The following DCX variants were observed in gnomAD, a reference collection of about 807,000 sequenced individuals.
DCX encodes neuronal migration protein doublecortin.
Under a neutral mutation model 20.9 loss-of-function variants are expected in DCX, and 4 were observed. The ratio of observed to expected loss-of-function variants is 0.19; its 90% CI spans 0.09 to 0.44. DCX has a LOEUF of 0.44. Among genes scored for constraint, DCX ranks in the 20% least tolerant of loss-of-function variants. The pLI is 0.99. For synonymous variants in DCX, 103 were observed against 111.4 expected, an observed-to-expected ratio of 0.92 and a Z score of 0.47; for missense variants, 133 against 296.9, an observed-to-expected ratio of 0.45 and a Z score of 4.06.
At position 111,401,040 on chromosome X, in the gene DCX, T is replaced by G. The variant is rs1328560782; in HGVS notation, c.655A>C (p.Lys219Gln). 8.3e-7 allele frequency: 1 copy of G among 1,211,680 alleles called. No individual in the cohort carries two copies. The highest frequency in any genetic ancestry group is 2.2e-5 in the Admixed American group (1 of 46,062). ...TTTTTGACAACCCCGGTCTCCAGTT[T>G]GATGGCTTCTGTGATATCAGTGAGG... Reference protein sequence around the residue: ...QVLTDITEAIKLETGVVKKLY... With the variant: ...QVLTDITEAIQLETGVVKKLY... Residue 219 changes from lysine (K) to glutamine (Q), a missense_variant, in exon 3 of 7, where the codon AAA (lysine) becomes CAA (glutamine). Transcript: ENST00000636035.
rs907802204 is a variant in DCX at position 111,299,519 on chromosome X, T to C, written c.*2168A>G. 9.0e-6 allele frequency: 1 copy of C among 111,109 alleles called. No individual in the cohort carries two copies. The highest frequency in any genetic ancestry group is 3.3e-5 in the African/African-American group (1 of 30,481). 9.2% of individuals were successfully genotyped at this position (111,109 alleles called of 1,213,427 possible). On this transcript the variant is annotated 3_prime_UTR_variant, in exon 7 of 7. Coordinates refer to ENST00000636035, the MANE Select transcript of DCX (RefSeq NM_001195553.2). ...CTAAATGAGACCTAAAGTGAGACTA[T>C]GGGTGGAGTCATTGGGGGTTCTGGC...
Position 111,312,706 on chromosome X carries a change from G to T in DCX, c.977C>A (p.Thr326Asn). 8.3e-7 allele frequency: 1 copy of T among 1,211,781 alleles called. No homozygotes were observed. The change falls in exon 6 of 7, where the codon ACC (threonine) becomes AAC (asparagine). Residue 326 changes from threonine to asparagine, a missense_variant. Coordinates refer to ENST00000636035, the MANE Select transcript of DCX (RefSeq NM_001195553.2). Reference protein sequence around the residue: ...ANGTSSSQLSTPKSKQSPIST... With the variant: ...ANGTSSSQLSNPKSKQSPIST... ...GATGGGAGACTGCTTAGACTTGGGGGTAGAGAGCTGGCTGCTGGAGGTTCC... is the reference window on the plus strand; with the variant it reads ...GATGGGAGACTGCTTAGACTTGGGGTTAGAGAGCTGGCTGCTGGAGGTTCC...
intron 5 of DCX, among the ~76,000 whole-genome samples, chrX:111,328,797 A>C (rs1024658555): frequency 9.9e-5 from 11 of 111,283 alleles, no homozygotes; most frequent in Admixed American, 8.6e-4. Context: ...CCATATTGTA[A>C]GTGGATCCTA....
chrX:111,376,585 T>C (rs1434386580), intron 3 of DCX, among the ~76,000 whole-genome samples: 1 of 111,714 alleles, frequency 9.0e-6, no homozygotes, highest in Non-Finnish European at 1.9e-5. Context: ...CCCTTAAAGA[T>C]TCTCTAGCTT....
chrX:111,406,374 A>G (rs924822227), intron 2 of DCX, among the ~76,000 whole-genome samples: 1 of 112,014 alleles, frequency 8.9e-6, no homozygotes, highest in Non-Finnish European at 1.9e-5. Context: ...TGTCATAATC[A>G]TTATTATTAT....
intron 3 of DCX, among the ~76,000 whole-genome samples, chrX:111,344,339 T>G (rs766200164): frequency 3.6e-5 from 4 of 112,040 alleles, no homozygotes; most frequent in Non-Finnish European, 7.5e-5. Flanking sequence ...AAGACAAGGA[T>G]GCCCTCTCTT....
At chrX:111,332,891 G>A (rs995225612) in intron 4 of DCX, among the ~76,000 whole-genome samples, 160 bp downstream of exon 4, 4 of 111,060 alleles carry the variant, frequency 3.6e-5, no homozygotes, top group African/African-American at 9.8e-5. Flanking sequence ...TCTTACATGG[G>A]TCATGACCCA....
At chrX:111,394,339 C>T (rs1927169281) in intron 3 of DCX, among the ~76,000 whole-genome samples, 1 of 111,331 alleles carries the variant, frequency 9.0e-6, no homozygotes, top group Admixed American at 9.6e-5. Flanking sequence ...GAAGTGGAAT[C>T]GGAGAACTAG....
chrX:111,368,473 C>T (rs1372298632), intron 3 of DCX, among the ~76,000 whole-genome samples: 3 of 111,467 alleles, frequency 2.7e-5, no homozygotes, highest in Non-Finnish European at 5.6e-5. Context: ...ATTAATAATA[C>T]CACGATTATT....
intron 6 of DCX, among the ~76,000 whole-genome samples, chrX:111,310,818 A>G (rs1304582526): frequency 1.8e-5 from 2 of 112,519 alleles, no homozygotes; most frequent in Non-Finnish European, 3.7e-5. Flanking sequence ...CAAACAAGCT[A>G]TAAGTGTCTG....
intron 3 of DCX, among the ~76,000 whole-genome samples, chrX:111,378,553 TCTAA>T (rs765578033): frequency 3.0e-4 from 34 of 111,583 alleles, no homozygotes; most frequent in Admixed American, 1.3e-3. Context: ...ACCAATCTTC[TCTAA>T]CAGACAAACA....
At chrX:111,350,954 C>T (rs997180284) in intron 3 of DCX, among the ~76,000 whole-genome samples, 2 of 111,917 alleles carry the variant, frequency 1.8e-5, no homozygotes, top group Non-Finnish European at 3.8e-5. Context: ...GGGTTTCCCC[C>T]TTATAAAACC....
chrX:111,357,511 C>T (rs1923829745), intron 3 of DCX, among the ~76,000 whole-genome samples: 1 of 112,030 alleles, frequency 8.9e-6, no homozygotes, highest in East Asian at 2.8e-4. Flanking sequence ...AGCACAGGGG[C>T]TCACACCTGT....
At chrX:111,316,088 A>AAT (rs1330121517) in intron 5 of DCX, among the ~76,000 whole-genome samples, 2 of 59,634 alleles carry the variant, frequency 3.4e-5, no homozygotes, top group African/African-American at 1.5e-4. Flanking sequence ...ATAAAAAATA[A>AAT]AAAAAAAAAA....
intron 3 of DCX, among the ~76,000 whole-genome samples, chrX:111,348,688 G>A (rs931549850): frequency 1.8e-5 from 2 of 110,269 alleles, no homozygotes; most frequent in African/African-American, 6.6e-5. Context: ...CCCTAAGGTT[G>A]GCTCTGGGCC....
At chrX:111,351,255 A>G (rs928285172) in intron 3 of DCX, among the ~76,000 whole-genome samples, 3 of 112,154 alleles carry the variant, frequency 2.7e-5, no homozygotes, top group African/African-American at 9.7e-5. Flanking sequence ...ACTTTAGTCA[A>G]GATTCCCTAT....
intron 3 of DCX, among the ~76,000 whole-genome samples, chrX:111,388,713 A>G (rs892287643): frequency 8.0e-5 from 9 of 112,221 alleles, no homozygotes; most frequent in African/African-American, 2.9e-4. Flanking sequence ...TGTGCTCTAA[A>G]TTGATAGGAG....
intron 2 of DCX, among the ~76,000 whole-genome samples, chrX:111,409,816 A>C (rs1162225474): frequency 8.9e-6 from 1 of 112,208 alleles, no homozygotes; most frequent in Non-Finnish European, 1.9e-5. Context: ...AGATAAGCAC[A>C]ATGCATGATC....
At chrX:111,333,921 A>C (rs1603415859) in intron 3 of DCX, among the ~76,000 whole-genome samples, 1 of 111,444 alleles carries the variant, frequency 9.0e-6, no homozygotes, top group East Asian at 2.8e-4. Context: ...TGCTTCCTGC[A>C]GTCTCCCCAC....
Sources: gnomAD v4.1 joint callset for allele counts (sites outside exome capture counted in the v4.1 genomes callset) on GRCh38, gnomAD v4.1.1 for gene constraint, MANE v1.5 for transcripts, NCBI Gene and HGNC (gene_info 2026-07-23, HGNC 2026-07-21) for gene names.